The following MAN1A1 variants were observed in gnomAD, a reference collection of about 807,000 sequenced individuals.
The protein encoded by MAN1A1 is mannosyl-oligosaccharide 1,2-alpha-mannosidase IA.
MAN1A1 carries 29 observed loss-of-function variants against 70.8 expected under a neutral mutation model. That is an observed-to-expected ratio of 0.41 (90% CI 0.31 to 0.56). The LOEUF (loss-of-function observed/expected upper bound fraction) is 0.56. MAN1A1 is among the 20% of genes least tolerant of loss of function. MAN1A1 has a pLI of 0.29. For missense variants in MAN1A1, 747 were observed against 841.3 expected (o/e 0.89, Z 1.39); for synonymous variants, 349 against 330.1 (o/e 1.06, Z -0.62).
chr6:119,344,080 T>G (rs1773666083), intron 2 of MAN1A1, among the ~76,000 whole-genome samples: 1 of 152,240 alleles, frequency 6.6e-6, no homozygotes, highest in Non-Finnish European at 1.5e-5. Context: ...TACAAATGCA[T>G]TTTGTGTAAT....
intron 2 of MAN1A1, among the ~76,000 whole-genome samples, chr6:119,347,575 T>TG (rs1055964020): frequency 9.2e-5 from 14 of 152,166 alleles, no homozygotes; most frequent in African/African-American, 2.9e-4. Context: ...GACAGGTGAC[T>TG]GGGGGAAGTT....
chr6:119,249,823 A>T lies in MAN1A1; in HGVS notation c.898-1469T>A, dbSNP rs151006065. ...GGAATCTTAAAAAAAAATTTTTTTT[A>T]AATTTAAAATTTTCCTCATGCATAC... On this transcript the variant is annotated intron_variant, in intron 5 of 12. Transcript: ENST00000368468. Among the ~76,000 whole-genome samples, 1,119 of 152,246 alleles carry T rather than the reference A, an allele frequency of 7.3e-3. 9 individuals carry two copies. The highest frequency in any genetic ancestry group is 0.025 in the African/African-American group (1,045 of 41,550).
chr6:119,225,798 C>A (rs1264171482), intron 6 of MAN1A1, among the ~76,000 whole-genome samples: 1 of 151,994 alleles, frequency 6.6e-6, no homozygotes, highest in Non-Finnish European at 1.5e-5. Flanking sequence ...TTTTAAACAA[C>A]AATATATCTG....
chr6:119,226,696 A>C (rs1394812457), intron 6 of MAN1A1, among the ~76,000 whole-genome samples: 1 of 152,200 alleles, frequency 6.6e-6, no homozygotes, highest in African/African-American at 2.4e-5. Flanking sequence ...TTTGAGACAG[A>C]GTCCCACTCT....
Position 119,329,458 on chromosome 6 carries a change from C to G in MAN1A1, c.603+19005G>C, listed in dbSNP as rs1330670340. On this transcript the variant is annotated intron_variant, in intron 2 of 12. Transcript: ENST00000368468. ...AGATTCCTTTTTATAATAAATATCCCCCCCCCACCCACTGACTCCAAATTA... is the reference window on the plus strand; with the variant it reads ...AGATTCCTTTTTATAATAAATATCCGCCCCCCACCCACTGACTCCAAATTA... 3.0e-5 allele frequency among the ~76,000 whole-genome samples: 3 copies of G among 100,352 alleles called. No individual in the cohort carries two copies. The East Asian group carries it at 9.7e-4, about 32-fold the overall frequency. The allele number at this position is 100,352 out of a possible 152,430, so 65.8% of individuals were successfully genotyped here. A position where few individuals can be genotyped will look rare whatever the true frequency, so the allele number is the denominator to read the frequency against.
Position 119,267,073 on chromosome 6 carries a change from G to A in MAN1A1, c.898-18719C>T, listed in dbSNP as rs546866967. On this transcript the variant is annotated intron_variant, in intron 5 of 12. Transcript: ENST00000368468. ...TACTGATTAGAATGGTCAAAATCCA[G>A]AACACTAACACCACCAAATGTTGGT... 3.3e-5 allele frequency among the ~76,000 whole-genome samples: 5 copies of A among 152,316 alleles called. No homozygotes were observed. The East Asian group carries it at 7.7e-4, about 23-fold the overall frequency.
intron 2 of MAN1A1, among the ~76,000 whole-genome samples, chr6:119,311,855 C>G (rs1772716415): frequency 1.3e-5 from 2 of 152,202 alleles, no homozygotes; most frequent in East Asian, 3.9e-4. Flanking sequence ...CCAACAGATG[C>G]TAGGTAAGGT....
intron 5 of MAN1A1, among the ~76,000 whole-genome samples, chr6:119,284,015 C>T (rs1263904755): frequency 2.0e-5 from 3 of 152,122 alleles, no homozygotes. Context: ...ACAAAACCGA[C>T]CAACCAGAAC....
At chr6:119,245,353 A>G (rs867439472) in intron 6 of MAN1A1, among the ~76,000 whole-genome samples, 10 of 152,142 alleles carry the variant, frequency 6.6e-5, no homozygotes, top group African/African-American at 2.4e-4. Flanking sequence ...AAAACTACGA[A>G]AGCAGCTCTA....
At chr6:119,195,823 A>C (rs1773554962) in intron 8 of MAN1A1, among the ~76,000 whole-genome samples, 1 of 152,250 alleles carries the variant, frequency 6.6e-6, no homozygotes. Context: ...GTAGAATTAT[A>C]GTTTAAATTT....
intron 2 of MAN1A1, among the ~76,000 whole-genome samples, chr6:119,319,840 T>C (rs1456282019): frequency 6.6e-6 from 1 of 152,198 alleles, no homozygotes; most frequent in Non-Finnish European, 1.5e-5. Context: ...ATGGGACTTT[T>C]GTCAAGGTCA....
intron 6 of MAN1A1, among the ~76,000 whole-genome samples, chr6:119,233,267 CT>C (rs1215233979): frequency 6.6e-6 from 1 of 152,166 alleles, no homozygotes; most frequent in African/African-American, 2.4e-5. Context: ...CTAAGAAAAC[CT>C]CTTTATCTAA....
intron 6 of MAN1A1, among the ~76,000 whole-genome samples, chr6:119,224,602 T>C (rs1180094575): frequency 6.6e-6 from 1 of 152,172 alleles, no homozygotes; most frequent in Non-Finnish European, 1.5e-5. Flanking sequence ...CTACTTAACA[T>C]ATCTAAAATA....
At chr6:119,182,002 G>T (rs1416875322) in intron 11 of MAN1A1, among the ~76,000 whole-genome samples, 1 of 152,140 alleles carries the variant, frequency 6.6e-6, no homozygotes, top group African/African-American at 2.4e-5. Flanking sequence ...CACCAACAGT[G>T]TACAAAGGTT....
In MAN1A1 at chr6:119,302,008, C is replaced by A; in HGVS notation, c.796G>T (p.Glu266Ter). The stretch of plus-strand genomic sequence containing the variant: ...CTTACCACATTAAAATCTAAATTTT[C>A]TTCAACCCATGATTTTGCTTCTTCA... Reference protein sequence around the residue: ...EFEEAKSWVEENLDFNVNAEI... With the variant: ...EFEEAKSWVE The change falls in exon 4 of 13, where the codon GAA (glutamate) becomes TAA (stop). Residue 266 changes from glutamate to a stop codon, truncating the protein, a stop_gained. Coordinates refer to ENST00000368468, the MANE Select transcript of MAN1A1 (RefSeq NM_005907.4). LOFTEE classifies it high-confidence loss of function. 2 of 1,585,326 alleles carry A rather than the reference C, an allele frequency of 1.3e-6. No individual in the cohort carries two copies. Among genetic ancestry groups the A allele is most frequent in the Non-Finnish European group, 8.7e-7 (1 of 1,155,836 alleles).
chr6:119,208,001 G>T (rs1452154504), intron 6 of MAN1A1, among the ~76,000 whole-genome samples: 1 of 152,032 alleles, frequency 6.6e-6, no homozygotes, highest in Non-Finnish European at 1.5e-5. Flanking sequence ...ATAATATTTA[G>T]AAAAATATTT....
At chr6:119,318,828 T>C (rs1392906611) in intron 2 of MAN1A1, among the ~76,000 whole-genome samples, 11 of 152,238 alleles carry the variant, frequency 7.2e-5, no homozygotes, top group Non-Finnish European at 1.5e-5. Flanking sequence ...CACCTCTACT[T>C]GGGCATCCTA....
At chr6:119,193,953 A>C (rs956666554) in intron 8 of MAN1A1, 61 bp from the exon 9 acceptor site, 2 of 1,009,054 alleles carry the variant, frequency 2.0e-6, no homozygotes, top group South Asian at 1.3e-5. Context: ...TAATGCAGCA[A>C]AATCACATTA....
At chr6:119,309,843 T>C (rs573669870) in intron 2 of MAN1A1, among the ~76,000 whole-genome samples, 1 of 152,008 alleles carries the variant, frequency 6.6e-6, no homozygotes, top group African/African-American at 2.4e-5. Context: ...TTACTTCCCC[T>C]TGACTCCATG....
Sources: gnomAD v4.1 joint callset for allele counts (sites outside exome capture counted in the v4.1 genomes callset) on GRCh38, gnomAD v4.1.1 for gene constraint, MANE v1.5 for transcripts, NCBI Gene and HGNC (gene_info 2026-07-23, HGNC 2026-07-21) for gene names.